Variants in STEEP1 observed in about 807,000 individuals in gnomAD.
STEEP1 encodes STING1 ER exit protein 1.
In STEEP1, 3 loss-of-function variants were observed where a neutral mutation model predicts 19.2. That is an observed-to-expected ratio of 0.16 (90% CI 0.07 to 0.40). The LOEUF is 0.40. STEEP1 is among the 10% of genes least tolerant of loss of function. The probability of loss-of-function intolerance (pLI) is 0.99; values close to 1 mark genes in which losing one functional copy is unlikely to be tolerated. For missense variants in STEEP1, 54 were observed against 177.1 expected, an observed-to-expected ratio of 0.30 and a Z score of 3.94; for synonymous variants, 46 against 63.7, an observed-to-expected ratio of 0.72 and a Z score of 1.32.
rs1242627152 is a variant in STEEP1 at position 119,541,317 on chromosome X, T to C, written c.606+11A>G. 1.4e-5 allele frequency: 15 copies of C among 1,096,575 alleles called. No individual in the cohort carries two copies. Among genetic ancestry groups the C allele is most frequent in the Non-Finnish European group, 1.8e-5 (14 of 793,299 alleles). The allele number at this position is 1,096,575 out of a possible 1,213,427, so 90.4% of individuals were successfully genotyped here. A position where few individuals can be genotyped will look rare whatever the true frequency, so the allele number is the denominator to read the frequency against. ...TAGGGCCCCAGCACCTTGCTACCCC[T>C]TGCTACTCACCAGCTCTTGCAGTCG... On this transcript the variant is annotated intron_variant, in intron 6 of 6. Transcript: ENST00000644802.
chrX:119,541,150 CACT>C (rs1417394968), intron 6 of STEEP1, among the ~76,000 whole-genome samples, 175 bp downstream of exon 6: 1 of 111,989 alleles, frequency 8.9e-6, no homozygotes, highest in Admixed American at 9.5e-5. Context: ...ATCCTGGGGT[CACT>C]ACTACAGAGT....
intron 5 of STEEP1, among the ~76,000 whole-genome samples, chrX:119,542,055 CTTTT>C (rs201339708): frequency 1.2e-5 from 1 of 82,925 alleles, no homozygotes; most frequent in Non-Finnish European, 2.3e-5. Context: ...CTTTTCTTTT[CTTTT>C]TTTTTTTTTT....
At chrX:119,558,042 G>A (rs1442305314) in intron 2 of STEEP1, among the ~76,000 whole-genome samples, 1 of 110,629 alleles carries the variant, frequency 9.0e-6, no homozygotes, top group Non-Finnish European at 1.9e-5. Context: ...GAGTAGCTGG[G>A]ATTACAGGCA....
intron 4 of STEEP1, 54 bp from the exon 5 acceptor site, chrX:119,542,648 A>T: frequency 1.1e-6 from 1 of 901,071 alleles, no homozygotes; most frequent in Admixed American, 2.2e-5. Context: ...AGGATCCATG[A>T]GCCGTGAGTG....
At chrX:119,546,574 A>G (rs2053207342) in intron 2 of STEEP1, among the ~76,000 whole-genome samples, 1 of 111,435 alleles carries the variant, frequency 9.0e-6, no homozygotes, top group African/African-American at 3.3e-5. Context: ...GGCTTGCCCA[A>G]AGTCGTGGAG....
In STEEP1 at chrX:119,557,033, G is replaced by A. The variant is rs375351055; in HGVS notation, c.242+3235C>T. ...TAGCCAGGCATAGTGGTGCACAACC[G>A]TAATCCCAGCTACATGGGAGGCTGA... On this transcript the variant is annotated intron_variant, in intron 2 of 6. Coordinates refer to ENST00000644802, the MANE Select transcript of STEEP1 (RefSeq NM_022101.4). 4.6e-4 allele frequency among the ~76,000 whole-genome samples: 50 copies of A among 107,913 alleles called. No individual in the cohort carries two copies. The South Asian group carries it at 0.013, about 29-fold the overall frequency. 93.7% of individuals were successfully genotyped at this position (107,913 alleles called of 115,157 possible).
chrX:119,555,092 G>A (rs1373039728), intron 2 of STEEP1, among the ~76,000 whole-genome samples: 1 of 101,311 alleles, frequency 9.9e-6, no homozygotes, highest in Non-Finnish European at 2.0e-5. Context: ...CTGCGTGACA[G>A]AGTGAGACCC....
chrX:119,539,493 T>C lies in STEEP1; in HGVS notation c.*234A>G, dbSNP rs2053147209. 6.6e-6 allele frequency: 2 copies of C among 302,913 alleles called. No homozygotes were observed. The highest frequency in any genetic ancestry group is 1.1e-5 in the Non-Finnish European group (2 of 174,163). 25.0% of individuals were successfully genotyped at this position (302,913 alleles called of 1,213,427 possible). A position where few individuals can be genotyped will look rare whatever the true frequency, so the allele number is the denominator to read the frequency against. The stretch of plus-strand genomic sequence containing the variant: ...TTGCAGTGAGCCGAGATCGCACCAC[T>C]GCACTCCATCCTGGGCGAAAGAGCA... On this transcript the variant is annotated 3_prime_UTR_variant, in exon 7 of 7. Transcript: ENST00000644802.
intron 2 of STEEP1, among the ~76,000 whole-genome samples, chrX:119,554,039 A>G (rs1265728640): frequency 8.9e-6 from 1 of 112,416 alleles, no homozygotes; most frequent in African/African-American, 3.2e-5. Flanking sequence ...TATGACTTAA[A>G]GAAGTGATTA....
At chrX:119,559,224 A>AC (rs2147359533) in intron 2 of STEEP1, among the ~76,000 whole-genome samples, 1 of 109,975 alleles carries the variant, frequency 9.1e-6, no homozygotes, top group South Asian at 3.9e-4. Context: ...GTCAAAAAAA[A>AC]AAAAACGGAG....
intron 5 of STEEP1, among the ~76,000 whole-genome samples, chrX:119,541,741 C>T (rs1456632547): frequency 9.0e-6 from 1 of 111,458 alleles, no homozygotes. Flanking sequence ...TTAACCAAAA[C>T]ATATGTAAAA....
chrX:119,551,190 A>T (rs1395809422), intron 2 of STEEP1, among the ~76,000 whole-genome samples: 2 of 111,160 alleles, frequency 1.8e-5, no homozygotes, highest in Non-Finnish European at 3.8e-5. Flanking sequence ...ACACCAATTT[A>T]AAAATGGGGG....
At chrX:119,558,567 T>C (rs1293945963) in intron 2 of STEEP1, among the ~76,000 whole-genome samples, 2 of 111,740 alleles carry the variant, frequency 1.8e-5, no homozygotes, top group Admixed American at 1.9e-4. Context: ...CACTGGTATA[T>C]ATTCCAGACT....
rs754251884 is a variant in STEEP1, at chrX:119,565,377, A to C, written c.-22T>G. On this transcript the variant is annotated 5_prime_UTR_variant, in exon 1 of 7. Transcript: ENST00000644802. ...GCATGATTCCCAAGAGCAATCTGAA[A>C]ACTCTACGCCAAGAAGAGGGTCGCC... 3 of 1,147,244 alleles carry C rather than the reference A, an allele frequency of 2.6e-6. No homozygotes were observed. Among genetic ancestry groups the C allele is most frequent in the Admixed American group, 4.5e-5 (2 of 44,061 alleles). The allele number at this position is 1,147,244 out of a possible 1,213,427, so 94.5% of individuals were successfully genotyped here.
intron 2 of STEEP1, among the ~76,000 whole-genome samples, chrX:119,557,710 T>G (rs906272469): frequency 1.8e-5 from 2 of 109,229 alleles, no homozygotes; most frequent in Admixed American, 9.9e-5. Flanking sequence ...CTGACTGGAG[T>G]GATGCATTTA....
intron 5 of STEEP1, among the ~76,000 whole-genome samples, chrX:119,542,045 CTTTTCTTTTCTTTTTT>C (rs1408051317): frequency 5.6e-4 from 33 of 59,196 alleles, no homozygotes; most frequent in African/African-American, 2.3e-3. Flanking sequence ...GTCAGAGTTT[CTTTTCTTTTCTTTTTT>C]TTTTTTTTTT....
At chrX:119,544,011 G>A (rs899462832) in intron 4 of STEEP1, among the ~76,000 whole-genome samples, 13 of 110,975 alleles carry the variant, frequency 1.2e-4, no homozygotes, top group African/African-American at 3.9e-4. Context: ...AATGGCACCC[G>A]ATTAATAAAG....
Position 119,559,271 on chromosome X carries a change from G to C in STEEP1, c.242+997C>G, listed in dbSNP as rs373582459. 1.3e-4 allele frequency among the ~76,000 whole-genome samples: 14 copies of C among 109,616 alleles called. No individual in the cohort carries two copies. The East Asian group carries it at 3.7e-3, about 29-fold the overall frequency. ...TTGCCTACAGATTAAGGCCAAACTT[G>C]TCCACTTCAGCACTTTACTCTGTCC... On this transcript the variant is annotated intron_variant, in intron 2 of 6. Coordinates refer to ENST00000644802, the MANE Select transcript of STEEP1 (RefSeq NM_022101.4).
In STEEP1 at chrX:119,542,045, CTTTTCTTTTCT is replaced by C. The variant is rs1327068051; in HGVS notation, c.513+449_513+459del. On this transcript the variant is annotated intron_variant, in intron 5 of 6. Coordinates refer to ENST00000644802, the MANE Select transcript of STEEP1 (RefSeq NM_022101.4). ...AGGAACTGGCTCACTGTCAGAGTTT[CTTTTCTTTTCT>C]TTTTTTTTTTTTTTTTTTTTTTTTT... Among the ~76,000 whole-genome samples the C allele has an allele frequency of 1.4e-3, 80 of 59,197 alleles. 2 individuals are homozygous for C. The highest frequency in any genetic ancestry group is 5.4e-3 in the African/African-American group (77 of 14,208). The allele number at this position is 59,197 out of a possible 115,157, so 51.4% of individuals were successfully genotyped here. A position where few individuals can be genotyped will look rare whatever the true frequency, so the allele number is the denominator to read the frequency against.
Sources: gnomAD v4.1 joint callset for allele counts (sites outside exome capture counted in the v4.1 genomes callset) on GRCh38, gnomAD v4.1.1 for gene constraint, MANE v1.5 for transcripts, NCBI Gene and HGNC (gene_info 2026-07-23, HGNC 2026-07-21) for gene names.